The following FILIP1L variants were observed in gnomAD, a reference collection of about 807,000 sequenced individuals.
FILIP1L encodes filamin A interacting protein 1 like.
Under a neutral mutation model 96.6 loss-of-function variants are expected in FILIP1L, and 55 were observed. The observed-to-expected ratio is 0.57, with a 90% confidence interval of 0.46 to 0.71. FILIP1L has a LOEUF of 0.71. Ranked by LOEUF, FILIP1L falls within the 30% of genes least tolerant of loss-of-function variation. The pLI is 0.00. For missense variants in FILIP1L, 1,304 were observed against 1,321.2 expected, an observed-to-expected ratio of 0.99 and a Z score of 0.20; for synonymous variants, 467 against 473.9, an observed-to-expected ratio of 0.99 and a Z score of 0.19.
chr3:100,030,958 G>A (rs1182918119), intron 1 of FILIP1L, among the ~76,000 whole-genome samples: 1 of 152,146 alleles, frequency 6.6e-6, no homozygotes, highest in Non-Finnish European at 1.5e-5. Context: ...AAATCTATGA[G>A]ATATGAAGTC....
chr3:100,026,083 T>G (rs2064915216), intron 1 of FILIP1L, among the ~76,000 whole-genome samples: 1 of 152,136 alleles, frequency 6.6e-6, no homozygotes, highest in African/African-American at 2.4e-5. Context: ...GGAGTTTTTT[T>G]CAAGAAGCTT....
chr3:99,982,498 G>A (rs1385779632), intron 1 of FILIP1L, among the ~76,000 whole-genome samples: 4 of 151,826 alleles, frequency 2.6e-5, no homozygotes, highest in South Asian at 2.1e-4. Context: ...ATGCCACCAC[G>A]CCCAGCTAAT....
In FILIP1L at chr3:99,894,775, A is replaced by G. The variant is rs1706195883; in HGVS notation, c.605+29455T>C. On this transcript the variant is annotated intron_variant, in intron 4 of 5. Transcript: ENST00000477258. ...ACTCCATTTAGGTAACTGTGATAGTATGGTGATTTTGTAGCACAATAATAG... is the reference window on the plus strand; with the variant it reads ...ACTCCATTTAGGTAACTGTGATAGTGTGGTGATTTTGTAGCACAATAATAG... Among the ~76,000 whole-genome samples the G allele has an allele frequency of 2.0e-5, 3 of 152,304 alleles. No homozygotes were observed. In the South Asian group the frequency reaches 6.2e-4, roughly 32 times the overall value.
intron 1 of FILIP1L, among the ~76,000 whole-genome samples, chr3:99,980,345 T>C (rs187573513): frequency 6.6e-6 from 1 of 152,140 alleles, no homozygotes; most frequent in Non-Finnish European, 1.5e-5. Context: ...AAGTCTTGCA[T>C]TGGATGTTTT....
chr3:100,057,942 C>T (rs757951830), intron 1 of FILIP1L, among the ~76,000 whole-genome samples: 1 of 152,162 alleles, frequency 6.6e-6, no homozygotes, highest in Non-Finnish European at 1.5e-5. Context: ...CTAAATCTTT[C>T]GACATCGTGA....
At chr3:99,835,825 A>T (rs978654835) in intron 5 of FILIP1L, among the ~76,000 whole-genome samples, 1 of 152,218 alleles carries the variant, frequency 6.6e-6, no homozygotes. Context: ...GGAAAACTAA[A>T]AAGTAAGGAA....
chr3:100,056,318 T>C lies in FILIP1L; in HGVS notation c.-11+57735A>G, dbSNP rs910388889. On this transcript the variant is annotated intron_variant, in intron 1 of 5. Transcript: ENST00000477258. ...AGTCTCCAATGCATCCTTCCATAAA[T>C]ATTGTTACATTTTCCAGACCTTACA... Among the ~76,000 whole-genome samples, 11 of 152,204 alleles carry C rather than the reference T, an allele frequency of 7.2e-5. 1 individual carries two copies. The highest frequency in any genetic ancestry group is 7.2e-4 in the Admixed American group (11 of 15,290).
intron 1 of FILIP1L, among the ~76,000 whole-genome samples, chr3:99,974,438 A>G (rs992452973): frequency 2.6e-5 from 4 of 152,206 alleles, no homozygotes; most frequent in African/African-American, 4.8e-5. Flanking sequence ...GGCTGGGCGC[A>G]GTGGCTCACG....
chr3:99,994,789 G>T (rs769727866), intron 1 of FILIP1L, among the ~76,000 whole-genome samples: 16 of 152,276 alleles, frequency 1.1e-4, no homozygotes, highest in Non-Finnish European at 2.1e-4. Context: ...AAATGAGGAA[G>T]ATGCAAAAGC....
At chr3:99,904,495 A>G (rs1678964241) in intron 4 of FILIP1L, among the ~76,000 whole-genome samples, 1 of 152,238 alleles carries the variant, frequency 6.6e-6, no homozygotes, top group Non-Finnish European at 1.5e-5. Flanking sequence ...TTAGAATAGG[A>G]TATTCCATTA....
intron 1 of FILIP1L, among the ~76,000 whole-genome samples, chr3:100,049,113 T>G (rs1337803031): frequency 1.3e-5 from 2 of 152,240 alleles, no homozygotes; most frequent in African/African-American, 4.8e-5. Context: ...GTCTGACAAT[T>G]GCAAACAGTT....
chr3:100,054,429 G>T (rs1453441194), intron 1 of FILIP1L, among the ~76,000 whole-genome samples: 2 of 152,028 alleles, frequency 1.3e-5, no homozygotes, highest in African/African-American at 4.8e-5. Flanking sequence ...AGTGGAGCAC[G>T]TACTCTTGCC....
intron 4 of FILIP1L, among the ~76,000 whole-genome samples, chr3:99,865,439 C>G (rs1295682943): frequency 1.3e-5 from 2 of 152,200 alleles, no homozygotes; most frequent in Non-Finnish European, 2.9e-5. Context: ...ATCACCACCA[C>G]TAGCAATTCA....
intron 1 of FILIP1L, among the ~76,000 whole-genome samples, chr3:99,941,677 G>A (rs748474489): frequency 2.0e-5 from 3 of 152,190 alleles, no homozygotes; most frequent in Non-Finnish European, 4.4e-5. Flanking sequence ...GAATATCAGT[G>A]CACATATTCT....
At chr3:100,031,836 G>A (rs1336866574) in intron 1 of FILIP1L, among the ~76,000 whole-genome samples, 2 of 152,096 alleles carry the variant, frequency 1.3e-5, no homozygotes, top group Non-Finnish European at 2.9e-5. Flanking sequence ...AATATTTTAG[G>A]CCTTGCTGGC....
At chr3:99,852,827 T>C (rs896056297) in intron 4 of FILIP1L, among the ~76,000 whole-genome samples, 1 of 152,230 alleles carries the variant, frequency 6.6e-6, no homozygotes, top group African/African-American at 2.4e-5. Flanking sequence ...TCTGCTCTTT[T>C]CTGTAATTTT....
Position 99,829,584 on chromosome 3 carries a change from T to C in FILIP1L, c.*830A>G, listed in dbSNP as rs984268211. ...GATGAATGCAAAGCTCGTTGTCACA[T>C]GAATGAAAATCTAGGATTGGAATTT... On this transcript the variant is annotated 3_prime_UTR_variant, in exon 6 of 6. Coordinates refer to ENST00000477258, the MANE Select transcript of FILIP1L (RefSeq NM_001387850.1). Among the ~76,000 whole-genome samples the C allele has an allele frequency of 6.6e-6, 1 of 152,356 alleles. No individual in the cohort carries two copies. The highest frequency in any genetic ancestry group is 2.1e-4 in the South Asian group (1 of 4,830).
rs1708496942 is a variant in FILIP1L, at chr3:99,961,709, A to AT, written c.-10-30680dup. On this transcript the variant is annotated intron_variant, in intron 1 of 5. Coordinates refer to ENST00000477258, the MANE Select transcript of FILIP1L (RefSeq NM_001387850.1). ...TTATAAGTGATTTAGTCTAAAAAAA[A>AT]TTTTTTAAGAATATTCTTCTCCTTC... 5.9e-5 allele frequency among the ~76,000 whole-genome samples: 9 copies of AT among 152,266 alleles called. No individual in the cohort carries two copies. The South Asian group carries it at 1.9e-3, about 32-fold the overall frequency.
chr3:99,843,641 A>G (rs1020050186), intron 5 of FILIP1L, among the ~76,000 whole-genome samples: 3 of 152,208 alleles, frequency 2.0e-5, no homozygotes, highest in Non-Finnish European at 4.4e-5. Context: ...GGCTTTGCCT[A>G]GCCCACCTTA....
Sources: gnomAD v4.1 joint callset for allele counts (sites outside exome capture counted in the v4.1 genomes callset) on GRCh38, gnomAD v4.1.1 for gene constraint, MANE v1.5 for transcripts, NCBI Gene and HGNC (gene_info 2026-07-23, HGNC 2026-07-21) for gene names.